Variants in PHACTR1 observed in about 807,000 individuals in gnomAD.
PHACTR1 encodes RPEL repeat containing 1.
PHACTR1 carries 16 observed loss-of-function variants against 69.2 expected under a neutral mutation model. The ratio of observed to expected loss-of-function variants is 0.23; its 90% CI spans 0.16 to 0.35. The LOEUF is 0.35. Ranked by LOEUF, PHACTR1 falls within the 10% of genes least tolerant of loss-of-function variation. The probability of loss-of-function intolerance (pLI) is 1.00; values close to 1 mark genes in which losing one functional copy is unlikely to be tolerated. For missense variants in PHACTR1, 510 were observed against 734.7 expected, an observed-to-expected ratio of 0.69 and a Z score of 3.54; for synonymous variants, 312 against 284.5, an observed-to-expected ratio of 1.10 and a Z score of -0.97.
intron 4 of PHACTR1, among the ~76,000 whole-genome samples, chr6:12,750,095 T>G (rs1045297909): frequency 1.3e-5 from 2 of 151,966 alleles, no homozygotes; most frequent in African/African-American, 2.4e-5. Context: ...CGCGCGCCCA[T>G]GCGCAGGCTG....
At chr6:12,776,972 G>C (rs1467753212) in intron 4 of PHACTR1, among the ~76,000 whole-genome samples, 1 of 152,020 alleles carries the variant, frequency 6.6e-6, no homozygotes, top group Non-Finnish European at 1.5e-5. Context: ...TGTATAGAAG[G>C]CTCCAACAGC....
intron 3 of PHACTR1, among the ~76,000 whole-genome samples, chr6:12,742,373 T>C (rs1034472397): frequency 3.3e-5 from 5 of 152,150 alleles, no homozygotes; most frequent in African/African-American, 1.2e-4. Context: ...GAGTGTCTTT[T>C]AGCACGCTAA....
At chr6:13,136,106 C>T (rs1486877744) in intron 5 of PHACTR1, among the ~76,000 whole-genome samples, 1 of 151,750 alleles carries the variant, frequency 6.6e-6, no homozygotes, top group African/African-American at 2.4e-5. Flanking sequence ...TTCCATGCTT[C>T]TTGTCATTAT....
intron 4 of PHACTR1, among the ~76,000 whole-genome samples, chr6:12,795,521 G>A (rs1201673147): frequency 1.3e-5 from 2 of 152,184 alleles, no homozygotes; most frequent in African/African-American, 4.8e-5. Context: ...GGGAACCACA[G>A]GACTGTAACA....
At chr6:12,843,640 A>G (rs1778918415) in intron 4 of PHACTR1, among the ~76,000 whole-genome samples, 1 of 152,228 alleles carries the variant, frequency 6.6e-6, no homozygotes, top group African/African-American at 2.4e-5. Context: ...GCCAATGAGA[A>G]TAAGATGAAG....
chr6:13,226,382 T>G (rs1367599310), intron 8 of PHACTR1, among the ~76,000 whole-genome samples: 1 of 152,248 alleles, frequency 6.6e-6, no homozygotes. Flanking sequence ...TAAGTCAGAT[T>G]TCTTTTGGAT....
chr6:12,766,002 C>T (rs1768564090), intron 4 of PHACTR1, among the ~76,000 whole-genome samples: 1 of 152,196 alleles, frequency 6.6e-6, no homozygotes, highest in South Asian at 2.1e-4. Flanking sequence ...GAAGCAGGTA[C>T]AGCCTGACCA....
intron 3 of PHACTR1, 142 bp from the exon 4 acceptor site, chr6:12,749,500 CCT>C (rs1018466613): frequency 3.6e-5 from 24 of 661,756 alleles, no homozygotes; most frequent in Non-Finnish European, 5.3e-5. Context: ...TTCCTTTTTC[CCT>C]CTCTTTCCCA....
chr6:13,195,526 A>G (rs560043002), intron 7 of PHACTR1, among the ~76,000 whole-genome samples: 16 of 152,034 alleles, frequency 1.1e-4, no homozygotes, highest in African/African-American at 3.9e-4. Flanking sequence ...GGAGGCCGAG[A>G]TGAAGGGATC....
At chr6:12,719,469 G>T (rs565258275) in intron 3 of PHACTR1, among the ~76,000 whole-genome samples, 9 of 152,236 alleles carry the variant, frequency 5.9e-5, no homozygotes, top group African/African-American at 2.2e-4. Context: ...CATTAAAGAA[G>T]AAGCTGGAGT....
chr6:12,816,105 A>G (rs184401450), intron 4 of PHACTR1, among the ~76,000 whole-genome samples: 1 of 152,300 alleles, frequency 6.6e-6, no homozygotes, highest in East Asian at 1.9e-4. Flanking sequence ...CTGTCCACCA[A>G]TGCTACCTTA....
intron 6 of PHACTR1, among the ~76,000 whole-genome samples, chr6:13,167,544 GT>G (rs1759987752): frequency 6.6e-6 from 1 of 152,210 alleles, no homozygotes; most frequent in Non-Finnish European, 1.5e-5. Flanking sequence ...TCACCTAGTA[GT>G]TTCCACTGCA....
At chr6:12,963,340 C>T (rs1220805536) in intron 4 of PHACTR1, among the ~76,000 whole-genome samples, 1 of 152,146 alleles carries the variant, frequency 6.6e-6, no homozygotes, top group Non-Finnish European at 1.5e-5. Context: ...CATTTGCACA[C>T]TTTGGTAAGG....
At chr6:13,254,342 G>A (rs984417107) in intron 10 of PHACTR1, among the ~76,000 whole-genome samples, 1 of 152,178 alleles carries the variant, frequency 6.6e-6, no homozygotes, top group African/African-American at 2.4e-5. Flanking sequence ...ATGGAAAATT[G>A]TTATTTATAA....
intron 4 of PHACTR1, among the ~76,000 whole-genome samples, chr6:13,047,305 G>A (rs1403214645): frequency 6.6e-6 from 1 of 150,420 alleles, no homozygotes; most frequent in Non-Finnish European, 1.5e-5. Flanking sequence ...TTGAACCTGG[G>A]AGGTGGAGGT....
At chr6:13,033,087 G>A (rs1362783545) in intron 4 of PHACTR1, among the ~76,000 whole-genome samples, 1 of 152,010 alleles carries the variant, frequency 6.6e-6, no homozygotes. Flanking sequence ...GAGTGCTAAG[G>A]CATTCATCCT....
At chr6:12,941,880 A>G (rs1790096648) in intron 4 of PHACTR1, among the ~76,000 whole-genome samples, 1 of 152,338 alleles carries the variant, frequency 6.6e-6, no homozygotes, top group African/African-American at 2.4e-5. Context: ...GCTTGCAATC[A>G]AAACATCATG....
At chr6:12,725,043 A>G (rs1008732653) in intron 3 of PHACTR1, among the ~76,000 whole-genome samples, 2 of 152,134 alleles carry the variant, frequency 1.3e-5, no homozygotes, top group Non-Finnish European at 2.9e-5. Context: ...GTCTTGTTCA[A>G]AAAAGGGAAA....
intron 4 of PHACTR1, among the ~76,000 whole-genome samples, chr6:12,880,607 CAA>C (rs1455569701): frequency 6.6e-6 from 1 of 151,996 alleles, no homozygotes; most frequent in Non-Finnish European, 1.5e-5. Flanking sequence ...GGTGTACCCA[CAA>C]AGAGTTCATA....
Sources: gnomAD v4.1 joint callset for allele counts (sites outside exome capture counted in the v4.1 genomes callset) on GRCh38, gnomAD v4.1.1 for gene constraint, MANE v1.5 for transcripts, NCBI Gene and HGNC (gene_info 2026-07-23, HGNC 2026-07-21) for gene names.